OSBPL8: variants seen among roughly 807,000 people sequenced by gnomAD.
OSBPL8 encodes the protein oxysterol-binding protein-related protein 8.
In OSBPL8, 59 loss-of-function variants were observed where a neutral mutation model predicts 125.5. The observed-to-expected ratio is 0.47, with a 90% CI of 0.38 to 0.58. OSBPL8 has a LOEUF of 0.58. Ranked by LOEUF, OSBPL8 falls within the 20% of genes least tolerant of loss-of-function variation. The pLI is 0.00. For missense variants in OSBPL8, 758 were observed against 1,047.8 expected, an observed-to-expected ratio of 0.72 and a Z score of 3.82; for synonymous variants, 330 against 338.9, an observed-to-expected ratio of 0.97 and a Z score of 0.29.
At chr12:76,481,385 G>A (rs781216906) in intron 2 of OSBPL8, among the ~76,000 whole-genome samples, 24 of 152,128 alleles carry the variant, frequency 1.6e-4, no homozygotes, top group Admixed American at 1.5e-3. Context: ...ATGCCTTAGA[G>A]GCCAATTATT....
chr12:76,480,762 T>C (rs1877386009), intron 2 of OSBPL8, among the ~76,000 whole-genome samples: 1 of 152,106 alleles, frequency 6.6e-6, no homozygotes, highest in Non-Finnish European at 1.5e-5. Context: ...CCACTTCCAA[T>C]AGGTTAGGTT....
chr12:76,371,550 T>C lies in OSBPL8; in HGVS notation c.1952A>G (p.Asp651Gly), dbSNP rs750762790. The C allele has an allele frequency of 8.1e-6, 13 of 1,609,788 alleles. No individual in the cohort carries two copies. Among genetic ancestry groups the C allele is most frequent in the Admixed American group, 1.7e-5 (1 of 59,646 alleles). Residue 651 changes from aspartate to glycine, a missense_variant, in exon 19 of 24, where the codon GAT (aspartate) becomes GGT (glycine). Coordinates refer to ENST00000261183, the MANE Select transcript of OSBPL8 (RefSeq NM_020841.5). ...SEVFITDKKTDNSEVFWNPTP... is the reference protein window; with the variant it reads ...SEVFITDKKTGNSEVFWNPTP... ...TGGATTCCAGAAAACCTCTGAATTATCAGTCTTTTTATCAGTAATAAAAAC... is the reference window on the plus strand; with the variant it reads ...TGGATTCCAGAAAACCTCTGAATTACCAGTCTTTTTATCAGTAATAAAAAC...
chr12:76,367,233 T>G (rs73383540), intron 21 of OSBPL8, among the ~76,000 whole-genome samples: 2,594 of 149,266 alleles, frequency 0.017, 61 homozygotes, highest in African/African-American at 0.059. Flanking sequence ...TTGATTGGTG[T>G]GTGTGTGTGT....
chr12:76,468,691 T>C (rs1278609997), intron 2 of OSBPL8, among the ~76,000 whole-genome samples: 5 of 152,240 alleles, frequency 3.3e-5, no homozygotes, highest in African/African-American at 1.2e-4. Context: ...TGTGAATTCT[T>C]TGATAATTCA....
chr12:76,424,750 A>G (rs1289009380), intron 4 of OSBPL8, among the ~76,000 whole-genome samples: 1 of 152,200 alleles, frequency 6.6e-6, no homozygotes, highest in East Asian at 1.9e-4. Context: ...GTCTTAAAAG[A>G]GTCTAGGTTA....
At chr12:76,532,315 T>C (rs1261792255) in intron 1 of OSBPL8, among the ~76,000 whole-genome samples, 1 of 152,004 alleles carries the variant, frequency 6.6e-6, no homozygotes, top group Non-Finnish European at 1.5e-5. Flanking sequence ...ATAAATTATC[T>C]ATTTTAAGCA....
chr12:76,477,407 G>T (rs146670691), intron 2 of OSBPL8, among the ~76,000 whole-genome samples: 93 of 152,102 alleles, frequency 6.1e-4, no homozygotes, highest in African/African-American at 2.1e-3. Context: ...TGATGAAAAC[G>T]GCACTTTATC....
intron 5 of OSBPL8, among the ~76,000 whole-genome samples, chr12:76,403,756 G>A (rs540617351): frequency 3.1e-4 from 47 of 152,238 alleles, no homozygotes; most frequent in African/African-American, 1.1e-3. Context: ...CAAATGTTGA[G>A]CGGCCAGATG....
In OSBPL8 at chr12:76,397,870, T is replaced by C; in HGVS notation, c.496A>G (p.Lys166Glu). Reference sequence around the variant, plus strand: ...CCAGGTTTCAACACACACCATAACTTGGTCCAGCTCTTTAGAGTACCACGA... The same window carrying C: ...CCAGGTTTCAACACACACCATAACTCGGTCCAGCTCTTTAGAGTACCACGA... Reference protein sequence around the residue: ...KIRGTLKSWTKLWCVLKPGVL... With the variant: ...KIRGTLKSWTELWCVLKPGVL... Residue 166 changes from lysine (K) to glutamate (E), a missense_variant, in exon 8 of 24, where the codon AAG (lysine) becomes GAG (glutamate). By Grantham distance (56) the Lys-to-Glu change is moderately conservative. Transcript: ENST00000261183. 6.2e-7 allele frequency: 1 copy of C among 1,614,120 alleles called. No individual in the cohort carries two copies. Among genetic ancestry groups the C allele is most frequent in the Non-Finnish European group, 8.5e-7 (1 of 1,180,000 alleles).
chr12:76,532,844 A>G (rs1373244466), intron 1 of OSBPL8, among the ~76,000 whole-genome samples: 1 of 152,198 alleles, frequency 6.6e-6, no homozygotes, highest in African/African-American at 2.4e-5. Flanking sequence ...TGGGGGCTCC[A>G]CAAAGATTGT....
chr12:76,408,418 C>T (rs140149922), intron 5 of OSBPL8, among the ~76,000 whole-genome samples: 10,270 of 144,266 alleles, frequency 0.071, 483 homozygotes, highest in Middle Eastern at 0.16. Context: ...GCCGAGATCG[C>T]ACCACTGTAC....
chr12:76,424,094 G>A (rs948139264), intron 4 of OSBPL8, among the ~76,000 whole-genome samples: 8 of 151,900 alleles, frequency 5.3e-5, no homozygotes, highest in Non-Finnish European at 1.0e-4. Context: ...TCTACCTCTC[G>A]GGTTCAAGTG....
intron 4 of OSBPL8, among the ~76,000 whole-genome samples, chr12:76,429,009 G>A (rs1870495655): frequency 6.6e-6 from 1 of 152,058 alleles, no homozygotes; most frequent in Admixed American, 6.6e-5. Context: ...GCTGTAGTTA[G>A]CAAAATCTTA....
chr12:76,386,469 C>A (rs1023034711), intron 13 of OSBPL8, 110 bp downstream of exon 13: 5 of 1,292,544 alleles, frequency 3.9e-6, no homozygotes, highest in East Asian at 2.5e-5. Flanking sequence ...AATTTTGCTA[C>A]GTCAAAGAAG....
At chr12:76,430,294 C>T (rs1870657136) in intron 4 of OSBPL8, among the ~76,000 whole-genome samples, 1 of 152,098 alleles carries the variant, frequency 6.6e-6, no homozygotes, top group Non-Finnish European at 1.5e-5. Context: ...TCCACCAATG[C>T]CCCAGGTAAC....
intron 10 of OSBPL8, 125 bp downstream of exon 10, chr12:76,392,456 C>T (rs1953603601): frequency 1.3e-6 from 1 of 787,368 alleles, no homozygotes; most frequent in African/African-American, 1.7e-5. Context: ...GTTCCTAGGC[C>T]ATATAATGGG....
chr12:76,557,611 T>TAAAAAAAAA (rs35658174), intron 1 of OSBPL8, among the ~76,000 whole-genome samples: 1 of 136,390 alleles, frequency 7.3e-6, no homozygotes. Flanking sequence ...GAGACAGTCT[T>TAAAAAAAAA]AAAAAAAAAA....
intron 1 of OSBPL8, among the ~76,000 whole-genome samples, chr12:76,521,448 T>C (rs1161583992): frequency 6.6e-6 from 1 of 152,134 alleles, no homozygotes; most frequent in Non-Finnish European, 1.5e-5. Context: ...ATTCCACTTC[T>C]AGGTAAGTAA....
chr12:76,368,625 T>C (rs932257123), intron 21 of OSBPL8, among the ~76,000 whole-genome samples: 3 of 152,148 alleles, frequency 2.0e-5, no homozygotes, highest in African/African-American at 7.2e-5. Context: ...ATTTTTATGG[T>C]CTTATCTCTA....
Sources: gnomAD v4.1 joint callset for allele counts (sites outside exome capture counted in the v4.1 genomes callset) on GRCh38, gnomAD v4.1.1 for gene constraint, MANE v1.5 for transcripts, NCBI Gene and HGNC (gene_info 2026-07-23, HGNC 2026-07-21) for gene names.